Variants in HEMK2 observed in about 807,000 individuals in gnomAD.
HEMK2 encodes the protein methyltransferase HEMK2.
At chr21:28,823,432 T>G in the HEMK2 span, among the ~76,000 whole-genome samples, 1 of 152,252 alleles carries the variant, frequency 6.6e-6, no homozygotes. Flanking sequence ...AACATAGATT[T>G]GGATATCACA....
chr21:28,699,403 T>C, the HEMK2 span, among the ~76,000 whole-genome samples: 11 of 152,200 alleles, frequency 7.2e-5, no homozygotes, highest in South Asian at 6.2e-4. Flanking sequence ...AATGAATACA[T>C]TGAAATTGTC....
the HEMK2 span, among the ~76,000 whole-genome samples, chr21:28,576,270 A>T: frequency 6.6e-6 from 1 of 152,080 alleles, no homozygotes; most frequent in Non-Finnish European, 1.5e-5. Context: ...TTTTAATTTC[A>T]GCCTTTCTTG....
At chr21:28,701,488 T>C in the HEMK2 span, among the ~76,000 whole-genome samples, 4 of 151,636 alleles carry the variant, frequency 2.6e-5, no homozygotes, top group African/African-American at 7.3e-5. Context: ...ATCATTCCTA[T>C]ACACCAGCAA....
the HEMK2 span, among the ~76,000 whole-genome samples, chr21:28,782,698 T>C: frequency 6.6e-6 from 1 of 151,950 alleles, no homozygotes; most frequent in Non-Finnish European, 1.5e-5. Context: ...AAACGGAGAG[T>C]GATTGCTAAT....
At chr21:28,759,963 T>C in the HEMK2 span, among the ~76,000 whole-genome samples, 1 of 152,168 alleles carries the variant, frequency 6.6e-6, no homozygotes, top group East Asian at 1.9e-4. Flanking sequence ...ATGTAACTGG[T>C]CCTGCCTGGG....
chr21:28,839,684 A>G, the HEMK2 span, among the ~76,000 whole-genome samples: 1 of 152,206 alleles, frequency 6.6e-6, no homozygotes, highest in Non-Finnish European at 1.5e-5. Flanking sequence ...CTCTACAAGG[A>G]AAACTATAAA....
the HEMK2 span, chr21:28,882,042 T>C: frequency 9.7e-6 from 6 of 616,162 alleles, no homozygotes; most frequent in African/African-American, 1.2e-4. Flanking sequence ...AGAATTTACT[T>C]TGTACATGGT....
At chr21:28,728,250 C>T in the HEMK2 span, among the ~76,000 whole-genome samples, 1 of 152,140 alleles carries the variant, frequency 6.6e-6, no homozygotes, top group Non-Finnish European at 1.5e-5. Context: ...ATTTAATGTC[C>T]TCTAAAATAA....
the HEMK2 span, among the ~76,000 whole-genome samples, chr21:28,576,736 G>A: frequency 1.3e-5 from 2 of 152,002 alleles, no homozygotes; most frequent in Admixed American, 6.6e-5. Context: ...TTGAGATGGA[G>A]TCCCACTCGT....
At chr21:28,624,975 T>C in the HEMK2 span, among the ~76,000 whole-genome samples, 2 of 152,238 alleles carry the variant, frequency 1.3e-5, no homozygotes, top group East Asian at 1.9e-4. Flanking sequence ...TGTAAGACTT[T>C]TGTCTGGTAG....
At chr21:28,867,059 T>C in the HEMK2 span, among the ~76,000 whole-genome samples, 8 of 152,142 alleles carry the variant, frequency 5.3e-5, no homozygotes, top group African/African-American at 1.9e-4. Flanking sequence ...TCATATACAC[T>C]ACTGGCAAGT....
At chr21:28,698,745 A>C in the HEMK2 span, among the ~76,000 whole-genome samples, 1 of 152,180 alleles carries the variant, frequency 6.6e-6, no homozygotes, top group Non-Finnish European at 1.5e-5. Context: ...AGATGTTTTC[A>C]CTGATTAGAT....
chr21:28,803,382 A>G, the HEMK2 span, among the ~76,000 whole-genome samples: 875 of 152,138 alleles, frequency 5.8e-3, 8 homozygotes, highest in African/African-American at 0.02. Flanking sequence ...CTTTGTATAC[A>G]TAGTCAGTTT....
chr21:28,741,637 G>A, the HEMK2 span, among the ~76,000 whole-genome samples: 1 of 152,146 alleles, frequency 6.6e-6, no homozygotes, highest in Non-Finnish European at 1.5e-5. Flanking sequence ...ACTTATAAGT[G>A]AGAACATGTG....
chr21:28,838,892 T>G, the HEMK2 span, among the ~76,000 whole-genome samples: 1 of 130,056 alleles, frequency 7.7e-6, no homozygotes, highest in Non-Finnish European at 1.5e-5. Context: ...TGAGCCGAAA[T>G]CATGCCATTG....
the HEMK2 span, among the ~76,000 whole-genome samples, chr21:28,713,740 T>C: frequency 1.1e-4 from 17 of 152,208 alleles, no homozygotes; most frequent in Non-Finnish European, 1.9e-4. Flanking sequence ...TACGGACCCA[T>C]GTGACTGTCT....
At chr21:28,783,455 G>A in the HEMK2 span, among the ~76,000 whole-genome samples, 1 of 152,304 alleles carries the variant, frequency 6.6e-6, no homozygotes, top group East Asian at 1.9e-4. Context: ...AAAGTGCTGG[G>A]ATTACAGGCA....
chr21:28,623,065 A>C, the HEMK2 span, among the ~76,000 whole-genome samples: 2 of 152,192 alleles, frequency 1.3e-5, no homozygotes. Flanking sequence ...GGATGAGAGA[A>C]CATTTGTGCA....
chr21:28,871,944 T>C, the HEMK2 span, among the ~76,000 whole-genome samples: 16 of 152,212 alleles, frequency 1.1e-4, no homozygotes, highest in African/African-American at 7.2e-5. Context: ...ACAAGAGATA[T>C]TGGATTTAGG....
Sources: allele counts gnomAD v4.1 joint callset (sites outside exome capture counted in the v4.1 genomes callset), GRCh38; gene constraint gnomAD v4.1.1; transcripts MANE v1.5; gene names NCBI Gene and HGNC (gene_info 2026-07-23, HGNC 2026-07-21).